Variants in MYO9B observed in about 807,000 individuals in gnomAD.
MYO9B encodes myosin IXB.
MYO9B carries 71 observed loss-of-function variants against 229.5 expected under a neutral mutation model. The observed-to-expected ratio is 0.31, with a 90% CI of 0.26 to 0.38. The LOEUF is 0.38. Among genes scored for constraint, MYO9B ranks in the 10% least tolerant of loss-of-function variants. MYO9B has a pLI of 1.00. For synonymous variants in MYO9B, 1,185 were observed against 1,235.8 expected (o/e 0.96, Z 0.86); for missense variants, 2,255 against 2,920.5 (o/e 0.77, Z 5.25).
chr19:17,111,710 C>T (rs1480964272), intron 2 of MYO9B, among the ~76,000 whole-genome samples: 3 of 152,114 alleles, frequency 2.0e-5, no homozygotes, highest in South Asian at 2.1e-4. Context: ...GGTATGCAAC[C>T]GTCGCCTCTA....
At chr19:17,181,435 G>C (rs1398039558) in intron 15 of MYO9B, among the ~76,000 whole-genome samples, 4 of 152,238 alleles carry the variant, frequency 2.6e-5, no homozygotes, top group African/African-American at 9.6e-5. Context: ...TCCCAGAGAG[G>C]GTGGCCCTGA....
intron 2 of MYO9B, among the ~76,000 whole-genome samples, chr19:17,116,981 G>A (rs2057910645): frequency 6.6e-6 from 1 of 152,154 alleles, no homozygotes; most frequent in Admixed American, 6.5e-5. Context: ...GGGGAATGCT[G>A]CATCTAAGAG....
chr19:17,186,057 G>T, intron 18 of MYO9B, 56 bp downstream of exon 18: 1 of 1,521,466 alleles, frequency 6.6e-7, no homozygotes, highest in South Asian at 1.1e-5. Flanking sequence ...TCTTAGGGGT[G>T]TCGGTGTCCC....
Position 17,199,871 on chromosome 19 carries a change from G to GT in MYO9B, c.4239-411dup, listed in dbSNP as rs1243083069. Reference sequence around the variant, plus strand: ...AGATCCATTTTTGTTTTTGTTTTTTGTTTTTTTTTTTGAGACAGAGTCTCA... The same window carrying GT: ...AGATCCATTTTTGTTTTTGTTTTTTGTTTTTTTTTTTTGAGACAGAGTCTCA... On this transcript the variant is annotated intron_variant, in intron 24 of 39. Coordinates refer to ENST00000682292, the MANE Select transcript of MYO9B (RefSeq NM_004145.4). Among the ~76,000 whole-genome samples the GT allele has an allele frequency of 5.0e-3, 697 of 138,580 alleles. 1 individual carries two copies. The highest frequency in any genetic ancestry group is 0.015 in the African/African-American group (570 of 37,890). The allele number at this position is 138,580 out of a possible 152,430, so 90.9% of individuals were successfully genotyped here.
At chr19:17,125,477 A>C (rs1247790046) in intron 2 of MYO9B, among the ~76,000 whole-genome samples, 1 of 152,086 alleles carries the variant, frequency 6.6e-6, no homozygotes, top group Non-Finnish European at 1.5e-5. Context: ...ATTTAGTGAC[A>C]TATGTAAGAT....
intron 2 of MYO9B, among the ~76,000 whole-genome samples, chr19:17,109,993 T>C (rs1197718577): frequency 6.6e-6 from 1 of 152,012 alleles, no homozygotes; most frequent in African/African-American, 2.4e-5. Context: ...TAACCCGGGG[T>C]TTGAACCCGG....
intron 2 of MYO9B, among the ~76,000 whole-genome samples, chr19:17,140,158 C>T (rs1402099102): frequency 6.6e-6 from 1 of 152,060 alleles, no homozygotes; most frequent in African/African-American, 2.4e-5. Context: ...ATGGGACCAC[C>T]GTCATATATG....
intron 2 of MYO9B, among the ~76,000 whole-genome samples, chr19:17,105,319 CAAAAAAAAAAAAAA>C (rs36000160): frequency 2.8e-5 from 2 of 71,660 alleles, no homozygotes; most frequent in African/African-American, 5.8e-5. Flanking sequence ...CTGTCTCTAC[CAAAAAAAAAAAAAA>C]AAAAAAAAAA....
intron 34 of MYO9B, 159 bp downstream of exon 34, chr19:17,206,943 C>A: frequency 8.0e-7 from 1 of 1,257,066 alleles, no homozygotes; most frequent in Non-Finnish European, 1.1e-6. Context: ...GCTGCTGGGC[C>A]GCCCGGGTCC....
chr19:17,200,194 A>T, intron 24 of MYO9B, 99 bp from the exon 25 acceptor site: 2 of 1,440,276 alleles, frequency 1.4e-6, no homozygotes, highest in East Asian at 2.3e-5. Flanking sequence ...TGAGTCAGGC[A>T]TTGATAGAGC....
rs146620113 is a variant in MYO9B, at chr19:17,127,816, C to T, written c.841-17581C>T. On this transcript the variant is annotated intron_variant, in intron 2 of 39. Coordinates refer to ENST00000682292, the MANE Select transcript of MYO9B (RefSeq NM_004145.4). The stretch of plus-strand genomic sequence containing the variant: ...TTCCTGCCACATTGGCAGAGCTGAG[C>T]GGTGACAGCAGATGGAGCCAAAAAT... Among the ~76,000 whole-genome samples, 478 of 152,306 alleles carry T rather than the reference C, an allele frequency of 3.1e-3. 3 individuals carry two copies. The highest frequency in any genetic ancestry group is 5.0e-3 in the South Asian group (24 of 4,832).
chr19:17,110,161 G>A (rs901747553), intron 2 of MYO9B, among the ~76,000 whole-genome samples: 5 of 152,174 alleles, frequency 3.3e-5, no homozygotes, highest in Admixed American at 2.0e-4. Context: ...TTTGAGTGTC[G>A]CTGGATGCAC....
intron 3 of MYO9B, among the ~76,000 whole-genome samples, chr19:17,147,223 T>G (rs1006229627): frequency 6.6e-6 from 1 of 152,170 alleles, no homozygotes; most frequent in African/African-American, 2.4e-5. Flanking sequence ...CCCCACCTTT[T>G]TCACTTCATA....
At chr19:17,141,888 A>T (rs1292437561) in intron 2 of MYO9B, among the ~76,000 whole-genome samples, 2 of 152,186 alleles carry the variant, frequency 1.3e-5, no homozygotes, top group African/African-American at 4.8e-5. Flanking sequence ...AAAAGGAATG[A>T]AACATTGATT....
At chr19:17,078,710 C>A (rs1325747667) in intron 1 of MYO9B, among the ~76,000 whole-genome samples, 1 of 152,188 alleles carries the variant, frequency 6.6e-6, no homozygotes, top group East Asian at 1.9e-4. Flanking sequence ...CAGGTCAAAC[C>A]TGGAAAGATA....
rs748594348 is a variant in MYO9B at position 17,202,252 on chromosome 19, G to T, written c.4785G>T (p.Leu1595=). The T allele has an allele frequency of 2.5e-6, 4 of 1,600,348 alleles. No individual in the cohort carries two copies. In the East Asian group the frequency reaches 6.8e-5, roughly 27 times the overall value. ...TNLVLNLFQS[L]LDEFTRGYTK... ...TGGTCCTCAACCTCTTCCAGTCACT[G>T]CTAGATGAGTTCACCCGTGGCTACA... The change falls in exon 28 of 40, where the codon CTG becomes CTT. Residue 1595 remains leucine, a synonymous_variant. Coordinates refer to ENST00000682292, the MANE Select transcript of MYO9B (RefSeq NM_004145.4).
intron 37 of MYO9B, 78 bp from the exon 38 acceptor site, chr19:17,210,637 C>G (rs2073216305): frequency 6.9e-7 from 1 of 1,457,108 alleles, no homozygotes; most frequent in African/African-American, 1.4e-5. Flanking sequence ...AACTAACCTC[C>G]TGGGATCTGC....
chr19:17,107,690 C>T (rs922514087), intron 2 of MYO9B, among the ~76,000 whole-genome samples: 1 of 152,210 alleles, frequency 6.6e-6, no homozygotes, highest in African/African-American at 2.4e-5. Context: ...CCTGTGGCCA[C>T]GTCACATCAG....
rs1177419166 is a variant in MYO9B at position 17,101,365 on chromosome 19, CTA to C, written c.-58-293_-58-292del. On this transcript the variant is annotated intron_variant, in intron 1 of 39. Transcript: ENST00000682292. This position sits in a 1 kb window ranked among gnomAD's most constrained non-coding sequence, Gnocchi z 4.7. Reference sequence around the variant, plus strand: ...TATTTTTTGTAGAGACGGGGTCTCGCTATGTTGCCCAGGCTGGTCTCAAACTC... The same window carrying C: ...TATTTTTTGTAGAGACGGGGTCTCGCTGTTGCCCAGGCTGGTCTCAAACTC... Among the ~76,000 whole-genome samples the C allele has an allele frequency of 1.3e-5, 2 of 151,936 alleles. No individual in the cohort carries two copies. The highest frequency in any genetic ancestry group is 4.8e-5 in the African/African-American group (2 of 41,376).
Sources: gnomAD v4.1 joint callset for allele counts (sites outside exome capture counted in the v4.1 genomes callset) on GRCh38, gnomAD v4.1.1 for gene constraint, Gnocchi (gnomAD v3.1) non-coding constraint, MANE v1.5 for transcripts, NCBI Gene and HGNC (gene_info 2026-07-23, HGNC 2026-07-21) for gene names.